Variants in ERICH3 observed in about 807,000 individuals in gnomAD.
The protein encoded by ERICH3 is glutamate rich 3, also known as glutamate-rich protein 3.
ERICH3 carries 126 observed loss-of-function variants against 131.1 expected under a neutral mutation model. The ratio of observed to expected loss-of-function variants is 0.96; its 90% CI spans 0.83 to 1.11. The LOEUF is 1.11. ERICH3 is among the 50% of genes most tolerant of loss of function. The pLI, the probability that ERICH3 is intolerant of heterozygous loss-of-function variation, is 0.00. For missense variants in ERICH3, 2,050 were observed against 1,810.7 expected (o/e 1.13, Z -2.40); for synonymous variants, 695 against 644.6 (o/e 1.08, Z -1.18).
At chr1:74,646,915 C>G (rs696118) in intron 2 of ERICH3, 123 bp from the exon 3 acceptor site, 13,796 of 250,644 alleles carry the variant, frequency 0.055, 541 homozygotes, top group South Asian at 0.13. Flanking sequence ...CACACACACA[C>G]AGAGAGAGAA....
intron 1 of ERICH3, among the ~76,000 whole-genome samples, chr1:74,659,964 T>G (rs1251973620): frequency 6.6e-6 from 1 of 152,190 alleles, no homozygotes; most frequent in African/African-American, 2.4e-5. Flanking sequence ...TGATTATTTA[T>G]GCTATGGCTT....
At chr1:74,668,839 C>T (rs1174481582) in intron 1 of ERICH3, among the ~76,000 whole-genome samples, 1 of 152,040 alleles carries the variant, frequency 6.6e-6, no homozygotes, top group Non-Finnish European at 1.5e-5. Context: ...TAGAAACTAC[C>T]AAAGTTTAAT....
chr1:74,635,054 A>G (rs2100627508), intron 6 of ERICH3, among the ~76,000 whole-genome samples: 1 of 152,108 alleles, frequency 6.6e-6, no homozygotes, highest in Admixed American at 6.6e-5. Context: ...TGAGTTGCCC[A>G]TTTTCGTTTA....
chr1:74,647,856 A>T (rs1646498919), intron 2 of ERICH3, among the ~76,000 whole-genome samples: 1 of 152,176 alleles, frequency 6.6e-6, no homozygotes, highest in Non-Finnish European at 1.5e-5. Flanking sequence ...TTCCAATGGA[A>T]GAAAGAGGTA....
In ERICH3 at chr1:74,572,849, T is replaced by C; in HGVS notation, c.2861A>G (p.Glu954Gly). 1.2e-6 allele frequency: 2 copies of C among 1,613,906 alleles called. No homozygotes were observed. Among genetic ancestry groups the C allele is most frequent in the Non-Finnish European group, 1.7e-6 (2 of 1,180,036 alleles). ...TGTGTCCTCCATGGGTCCTGTGTCC[T>C]CTAGGTCTATGGATGCTTCCTCTTC... ...ESEEEASIDLEDTGPMEDTAS... is the reference protein window; with the variant it reads ...ESEEEASIDLGDTGPMEDTAS... Residue 954 changes from glutamate (E) to glycine (G), a missense_variant, in exon 14 of 15, where the codon GAG (glutamate) becomes GGG (glycine). By Grantham distance (98) the Glu-to-Gly change is moderately conservative. Coordinates refer to ENST00000326665, the MANE Select transcript of ERICH3 (RefSeq NM_001002912.5).
chr1:74,628,894 C>T (rs1426543800), intron 7 of ERICH3, among the ~76,000 whole-genome samples: 3 of 151,828 alleles, frequency 2.0e-5, no homozygotes, highest in African/African-American at 7.3e-5. Flanking sequence ...ATTGACAAAT[C>T]CATAATTATA....
chr1:74,592,974 T>A (rs1238007638), intron 11 of ERICH3, among the ~76,000 whole-genome samples: 1 of 152,156 alleles, frequency 6.6e-6, no homozygotes, highest in Non-Finnish European at 1.5e-5. Context: ...AGCACGTATG[T>A]AAATTTGCTT....
At chr1:74,611,369 A>G (rs527775329) in intron 9 of ERICH3, among the ~76,000 whole-genome samples, 1 of 152,256 alleles carries the variant, frequency 6.6e-6, no homozygotes, top group South Asian at 2.1e-4. Flanking sequence ...TAAATTCTGT[A>G]AGCTCTACCT....
intron 1 of ERICH3, among the ~76,000 whole-genome samples, chr1:74,658,286 A>G (rs1308947883): frequency 6.6e-6 from 1 of 152,168 alleles, no homozygotes; most frequent in Non-Finnish European, 1.5e-5. Context: ...TAATTTGAGG[A>G]AAGCAATTCT....
In ERICH3 at chr1:74,646,913, C is replaced by G. The variant is rs1479375968; in HGVS notation, c.118-121G>C. ...AGACACACACACACACACACACACA[C>G]ACAGAGAGAGAAAGAGAGAGAGAGA... is the stretch of plus-strand genomic sequence containing the variant. On this transcript the variant is annotated intron_variant, in intron 2 of 14. Transcript: ENST00000326665. 5.2e-5 allele frequency: 14 copies of G among 266,954 alleles called. No homozygotes were observed. The South Asian group carries it at 5.7e-4, about 11-fold the overall frequency. The allele number at this position is 266,954 out of a possible 1,614,324, so 16.5% of individuals were successfully genotyped here.
intron 9 of ERICH3, 119 bp downstream of exon 9, chr1:74,612,504 T>C (rs1253953470): frequency 4.8e-6 from 4 of 832,398 alleles, no homozygotes; most frequent in Non-Finnish European, 5.2e-6. Context: ...AACCTAGATA[T>C]TGTAGGCCCA....
Position 74,599,738 on chromosome 1 carries a change from C to G in ERICH3, c.1683G>C (p.Glu561Asp), listed in dbSNP as rs115922032. The G allele has an allele frequency of 1.7e-4, 271 of 1,612,144 alleles. No individual in the cohort carries two copies. The African/African-American group carries it at 3.0e-3, about 18-fold the overall frequency. The stretch of plus-strand genomic sequence containing the variant: ...GTTCACTCTCAGAGCATCCATCATT[C>G]TCATCTTTCACATTGTCACGGGCAT... ...APDARDNVKD[E>D]NDGCSESELE... Residue 561 changes from glutamate to aspartate, a missense_variant, in exon 11 of 15, where the codon GAG becomes GAC. Coordinates refer to ENST00000326665, the MANE Select transcript of ERICH3 (RefSeq NM_001002912.5).
intron 3 of ERICH3, 34 bp downstream of exon 3, chr1:74,646,628 AAAAAT>A: frequency 2.7e-6 from 3 of 1,095,040 alleles, no homozygotes; most frequent in South Asian, 2.2e-5. Context: ...GGAAGTAGAA[AAAAAT>A]AAAATAAAAT....
At position 74,606,760 on chromosome 1, in the gene ERICH3, C is replaced by T. The variant is rs1425610144; in HGVS notation, c.1330G>A (p.Glu444Lys). ...ACAGAGGTTTTGTTCTCCTTGATCT[C>T]ATTTCTTTTTGGTATCACATACTCT... ...EREYVIPKRN[E>K]IKENKTSVSA... is the part of the protein sequence containing the mutation. The change falls in exon 10 of 15, where the codon GAG (glutamate) becomes AAG (lysine). Residue 444 changes from glutamate to lysine, a missense_variant. Transcript: ENST00000326665. The T allele has an allele frequency of 2.5e-6, 4 of 1,613,406 alleles. No individual in the cohort carries two copies. The East Asian group carries it at 8.9e-5, about 36-fold the overall frequency.
At chr1:74,627,561 C>A (rs765074763) in intron 7 of ERICH3, among the ~76,000 whole-genome samples, 1 of 152,008 alleles carries the variant, frequency 6.6e-6, no homozygotes, top group Non-Finnish European at 1.5e-5. Flanking sequence ...ACACAATCCA[C>A]CCCTATGTTA....
intron 2 of ERICH3, among the ~76,000 whole-genome samples, chr1:74,647,881 G>A (rs1646499130): frequency 6.6e-6 from 1 of 152,132 alleles, no homozygotes; most frequent in Admixed American, 6.6e-5. Flanking sequence ...TATAGAAAGT[G>A]TGCTTGGAAT....
chr1:74,646,585 A>G, intron 3 of ERICH3, 82 bp downstream of exon 3: 1 of 864,194 alleles, frequency 1.2e-6, no homozygotes, highest in Non-Finnish European at 1.6e-6. Flanking sequence ...CAAAGAAAAT[A>G]GTAAAGATTT....
rs1646911182 is a variant in ERICH3 at position 74,569,484 on chromosome 1, T to G, written c.*974A>C. On this transcript the variant is annotated 3_prime_UTR_variant, in exon 15 of 15. Transcript: ENST00000326665. ...TAATTTAGAATGCAGTTGTTACTGT[T>G]GATTTATAATGAACTGCAAGGTTAG... 6.6e-6 allele frequency: 1 copy of G among 152,174 alleles called. No individual in the cohort carries two copies. The highest frequency in any genetic ancestry group is 1.5e-5 in the Non-Finnish European group (1 of 68,026). The allele number at this position is 152,174 out of a possible 1,614,324, so 9.4% of individuals were successfully genotyped here.
Position 74,572,876 on chromosome 1 carries a change from C to T in ERICH3, c.2834G>A (p.Ser945Asn). The T allele has an allele frequency of 6.2e-7, 1 of 1,614,048 alleles. No homozygotes were observed. Among genetic ancestry groups the T allele is most frequent in the Non-Finnish European group, 8.5e-7 (1 of 1,180,022 alleles). The change falls in exon 14 of 15, where the codon AGT becomes AAT. Residue 945 changes from serine to asparagine, a missense_variant. Coordinates refer to ENST00000326665, the MANE Select transcript of ERICH3 (RefSeq NM_001002912.5). ...GGVAVSDVGE[S>N]EEEASIDLED... is the part of the protein sequence containing the mutation. ...TAGGTCTATGGATGCTTCCTCTTCA[C>T]TTTCTCCGACATCACTCACAGCCAC...
Sources: gnomAD v4.1 joint callset for allele counts (sites outside exome capture counted in the v4.1 genomes callset) on GRCh38, gnomAD v4.1.1 for gene constraint, MANE v1.5 for transcripts, NCBI Gene and HGNC (gene_info 2026-07-23, HGNC 2026-07-21) for gene names.